The following PDE4D variants were observed in gnomAD, a reference collection of about 807,000 sequenced individuals.
The protein encoded by PDE4D is phosphodiesterase 4D.
Under a neutral mutation model 87.4 loss-of-function variants are expected in PDE4D, and 24 were observed. The ratio of observed to expected loss-of-function variants is 0.27; its 90% CI spans 0.20 to 0.39. The LOEUF (loss-of-function observed/expected upper bound fraction) is 0.39, where lower values mean the gene tolerates loss of function less well. PDE4D is among the 10% of genes least tolerant of loss of function. PDE4D has a pLI of 1.00. For missense variants in PDE4D, 714 were observed against 1,041.0 expected, an observed-to-expected ratio of 0.69 and a Z score of 4.32; for synonymous variants, 384 against 383.2, an observed-to-expected ratio of 1.00 and a Z score of -0.02.
intron 1 of PDE4D, among the ~76,000 whole-genome samples, chr5:59,678,947 A>C (rs1748569800): frequency 6.6e-6 from 1 of 152,222 alleles, no homozygotes; most frequent in Admixed American, 6.5e-5. Context: ...TCTCTCAAGT[A>C]ATATATGTGT....
chr5:59,643,629 C>T (rs928086867), intron 1 of PDE4D, among the ~76,000 whole-genome samples: 1 of 152,054 alleles, frequency 6.6e-6, no homozygotes, highest in Non-Finnish European at 1.5e-5. Context: ...TGAAAATGAA[C>T]TGATGGGATA....
At chr5:59,988,678 C>T in exon 3 of PDE4D, 1 of 1,598,790 alleles carries the variant, frequency 6.3e-7, no homozygotes, top group South Asian at 1.1e-5. Context: ...CGGAAAGGGT[C>T]TTCCTCTTCA....
At chr5:59,197,398 T>C (rs1183430471) in intron 2 of PDE4D, among the ~76,000 whole-genome samples, 1 of 152,184 alleles carries the variant, frequency 6.6e-6, no homozygotes, top group Non-Finnish European at 1.5e-5. Flanking sequence ...TATCTCAAGA[T>C]GGTCTCATTT....
At chr5:59,141,928 T>A (rs1174679940) in intron 5 of PDE4D, among the ~76,000 whole-genome samples, 1 of 152,198 alleles carries the variant, frequency 6.6e-6, no homozygotes, top group Non-Finnish European at 1.5e-5. Context: ...TTTCTTCCAC[T>A]GACCCATGGG....
intron 1 of PDE4D, among the ~76,000 whole-genome samples, chr5:59,305,968 C>CG (rs1771260121): frequency 6.6e-6 from 1 of 152,122 alleles, no homozygotes; most frequent in Non-Finnish European, 1.5e-5. Context: ...GATGACCTGT[C>CG]TAGTGCTGTC....
chr5:60,155,866 T>G (rs979603673), intron 2 of PDE4D, among the ~76,000 whole-genome samples: 6 of 152,196 alleles, frequency 3.9e-5, no homozygotes, highest in African/African-American at 1.4e-4. Context: ...TTTCATTAAA[T>G]GAATCAAATT....
chr5:60,083,073 G>A (rs1441734657), intron 2 of PDE4D, among the ~76,000 whole-genome samples: 1 of 152,128 alleles, frequency 6.6e-6, no homozygotes, highest in Non-Finnish European at 1.5e-5. Context: ...TATGGCTGAT[G>A]TGTTCACCTG....
chr5:59,781,815 A>AAAAAC (rs1764664329), intron 1 of PDE4D, among the ~76,000 whole-genome samples: 1 of 138,106 alleles, frequency 7.2e-6, no homozygotes. Flanking sequence ...AAAAAAAAAA[A>AAAAAC]TCAACTCCTG....
chr5:60,393,279 C>T (rs1159601355), intron 1 of PDE4D, among the ~76,000 whole-genome samples: 1 of 152,170 alleles, frequency 6.6e-6, no homozygotes, highest in African/African-American at 2.4e-5. Context: ...TGGGCCCTTA[C>T]TGATTTCACA....
In PDE4D at chr5:59,165,824, A is replaced by T. The variant is rs187138435; in HGVS notation, c.808+14771T>A. 3.5e-3 allele frequency among the ~76,000 whole-genome samples: 538 copies of T among 152,288 alleles called. 3 individuals are homozygous for T. Among genetic ancestry groups the T allele is most frequent in the Admixed American group, 7.3e-3 (111 of 15,288 alleles). On this transcript the variant is annotated intron_variant, in intron 5 of 14. Coordinates refer to ENST00000340635, the MANE Select transcript of PDE4D (RefSeq NM_001104631.2). ...GCCACCTGCCTGTTCTCTTTTAGCC[A>T]AGGCCCAGGACGCAAACAAGACAAA...
chr5:59,561,894 T>C (rs1362796127), intron 1 of PDE4D, among the ~76,000 whole-genome samples: 2 of 149,708 alleles, frequency 1.3e-5, no homozygotes, highest in Non-Finnish European at 2.9e-5. Context: ...ATCGCACCAC[T>C]GCACTCCAGC....
At chr5:60,135,170 C>T (rs1779928632) in intron 2 of PDE4D, among the ~76,000 whole-genome samples, 1 of 152,194 alleles carries the variant, frequency 6.6e-6, no homozygotes. Context: ...AAGAGAGACC[C>T]TTCGCCCCTT....
At chr5:59,180,428 G>A in intron 5 of PDE4D, 167 bp downstream of exon 5, 1 of 727,726 alleles carries the variant, frequency 1.4e-6, no homozygotes, top group Middle Eastern at 2.3e-4. Flanking sequence ...CCAAATAACA[G>A]CTTAGACAAT....
intron 1 of PDE4D, among the ~76,000 whole-genome samples, chr5:60,514,646 GA>G (rs1386825396): frequency 6.6e-6 from 1 of 151,862 alleles, no homozygotes; most frequent in Non-Finnish European, 1.5e-5. Flanking sequence ...CGTCTAACAA[GA>G]AAACTCTTAG....
At chr5:59,172,510 C>G (rs1783173880) in intron 5 of PDE4D, among the ~76,000 whole-genome samples, 1 of 149,086 alleles carries the variant, frequency 6.7e-6, no homozygotes, top group Non-Finnish European at 1.5e-5. Context: ...GCCTGGGCAA[C>G]ACGGCAAAAC....
intron 1 of PDE4D, among the ~76,000 whole-genome samples, chr5:60,510,291 C>T (rs956189698): frequency 2.0e-5 from 3 of 152,142 alleles, no homozygotes; most frequent in Non-Finnish European, 4.4e-5. Context: ...AAAGACAGGG[C>T]AGGCAGCCCA....
chr5:58,975,988 GTC>G lies in PDE4D; in HGVS notation c.1831-151_1831-150del. The G allele has an allele frequency of 1.6e-6, 1 of 633,084 alleles. No homozygotes were observed. Among genetic ancestry groups the G allele is most frequent in the Non-Finnish European group, 2.5e-6 (1 of 392,704 alleles). The allele number at this position is 633,084 out of a possible 1,614,324, so 39.2% of individuals were successfully genotyped here. A position where few individuals can be genotyped will look rare whatever the true frequency, so the allele number is the denominator to read the frequency against. ...ATTCCAAACAGCTCAACCATGATGT[GTC>G]TGTGTATAGTTCACACTTGTATTAA... On this transcript the variant is annotated intron_variant, in intron 13 of 14. Coordinates refer to ENST00000340635, the MANE Select transcript of PDE4D (RefSeq NM_001104631.2). This position sits in a 1 kb window ranked among gnomAD's most constrained non-coding sequence, Gnocchi z 4.2.
rs7701987 is a variant in PDE4D, at chr5:60,032,028, C to G, written c.43-43311G>C. Among the ~76,000 whole-genome samples, 1,287 of 152,104 alleles carry G rather than the reference C, an allele frequency of 8.5e-3. 14 individuals are homozygous for G. The highest frequency in any genetic ancestry group is 0.029 in the African/African-American group (1,190 of 41,524). On this transcript the variant is annotated intron_variant, in intron 2 of 16. Transcript: ENST00000502484. ...GTTAGTGATAAACATTATAAATTACCTTTTTAATTAGTAAAGCTTCTGAAG... is the reference window on the plus strand; with the variant it reads ...GTTAGTGATAAACATTATAAATTACGTTTTTAATTAGTAAAGCTTCTGAAG...
chr5:59,194,815 A>T (rs1055617642), intron 2 of PDE4D, among the ~76,000 whole-genome samples: 3 of 152,174 alleles, frequency 2.0e-5, no homozygotes, highest in Non-Finnish European at 1.5e-5. Context: ...AAAAACTAAT[A>T]AGTGGTAGAG....
Sources: gnomAD v4.1 joint callset for allele counts (sites outside exome capture counted in the v4.1 genomes callset) on GRCh38, gnomAD v4.1.1 for gene constraint, Gnocchi (gnomAD v3.1) non-coding constraint, MANE v1.5 for transcripts, NCBI Gene and HGNC (gene_info 2026-07-23, HGNC 2026-07-21) for gene names.